Variants in RANBP2 observed in about 807,000 individuals in gnomAD.
RANBP2 encodes E3 SUMO-protein ligase RanBP2.
RANBP2 carries 57 observed loss-of-function variants against 303.6 expected under a neutral mutation model. That is an observed-to-expected ratio of 0.19 (90% CI 0.15 to 0.23). The LOEUF (loss-of-function observed/expected upper bound fraction) is 0.23. RANBP2 is among the 10% of genes least tolerant of loss of function. RANBP2 has a pLI of 1.00. For synonymous variants in RANBP2, 1,167 were observed against 1,301.5 expected (o/e 0.90, Z 2.23); for missense variants, 3,138 against 3,780.8 (o/e 0.83, Z 4.46).
At chr2:109,080,733 A>G in the RANBP2 span, among the ~76,000 whole-genome samples, 1 of 152,206 alleles carries the variant, frequency 6.6e-6, no homozygotes, top group Non-Finnish European at 1.5e-5. Context: ...GAAATGTCTA[A>G]TATTAAAAAA....
At chr2:109,162,409 T>G in the RANBP2 span, among the ~76,000 whole-genome samples, 2 of 152,156 alleles carry the variant, frequency 1.3e-5, no homozygotes, top group Admixed American at 6.5e-5. Context: ...ATTTATTTAT[T>G]TATTTTTAAT....
the RANBP2 span, among the ~76,000 whole-genome samples, chr2:109,692,295 G>T: frequency 6.6e-6 from 1 of 151,862 alleles, no homozygotes; most frequent in Non-Finnish European, 1.5e-5. Flanking sequence ...CAGGCTGGGG[G>T]CGGTGGGGAG....
chr2:109,140,870 G>C, the RANBP2 span, among the ~76,000 whole-genome samples: 1 of 152,096 alleles, frequency 6.6e-6, no homozygotes, highest in Admixed American at 6.5e-5. Flanking sequence ...TGGCCCCAGG[G>C]GTATCAGTTT....
the RANBP2 span, chr2:108,910,607 T>A: frequency 2.8e-6 from 4 of 1,437,308 alleles, no homozygotes; most frequent in Admixed American, 5.4e-5. Flanking sequence ...CCAACCCTGC[T>A]CTTCCTGTTG....
chr2:108,871,631 TA>T, the RANBP2 span, among the ~76,000 whole-genome samples: 2 of 152,146 alleles, frequency 1.3e-5, no homozygotes, highest in Non-Finnish European at 2.9e-5. Flanking sequence ...TTTATGTTGG[TA>T]AAATATTCAT....
chr2:109,583,397 T>G, the RANBP2 span, among the ~76,000 whole-genome samples: 1 of 152,138 alleles, frequency 6.6e-6, no homozygotes, highest in African/African-American at 2.4e-5. Context: ...ACGCTCAACA[T>G]AACTCATCAT....
the RANBP2 span, among the ~76,000 whole-genome samples, chr2:108,804,294 T>C: frequency 6.6e-6 from 1 of 152,302 alleles, no homozygotes; most frequent in Non-Finnish European, 1.5e-5. Flanking sequence ...CATTTAAATG[T>C]AATTAGAGGG....
the RANBP2 span, among the ~76,000 whole-genome samples, chr2:109,200,416 T>C: frequency 6.6e-6 from 1 of 152,180 alleles, no homozygotes; most frequent in Non-Finnish European, 1.5e-5. Flanking sequence ...TCCCTCCATC[T>C]CTGATGGCTT....
At chr2:109,028,541 T>A in the RANBP2 span, among the ~76,000 whole-genome samples, 1 of 152,094 alleles carries the variant, frequency 6.6e-6, no homozygotes. Flanking sequence ...AGGGTGACAG[T>A]CCTTGCATCA....
the RANBP2 span, among the ~76,000 whole-genome samples, chr2:108,915,241 G>A: frequency 6.6e-6 from 1 of 152,196 alleles, no homozygotes; most frequent in African/African-American, 2.4e-5. Context: ...GTTCTCAGGA[G>A]AAACGCACAC....
At chr2:109,506,649 C>T in the RANBP2 span, among the ~76,000 whole-genome samples, 1 of 152,226 alleles carries the variant, frequency 6.6e-6, no homozygotes, top group Non-Finnish European at 1.5e-5. Context: ...TGGTTCGTAT[C>T]ATCTCCATTT....
At chr2:109,729,198 G>A in the RANBP2 span, among the ~76,000 whole-genome samples, 67 of 152,274 alleles carry the variant, frequency 4.4e-4, no homozygotes, top group East Asian at 0.012. Flanking sequence ...ACCAGCAGAC[G>A]TTCCTTCACG....
At chr2:109,751,515 C>G in the RANBP2 span, among the ~76,000 whole-genome samples, 1 of 146,428 alleles carries the variant, frequency 6.8e-6, no homozygotes, top group Non-Finnish European at 1.5e-5. Context: ...GGAGATTGTA[C>G]AGGAGTGGAC....
chr2:109,307,644 A>G, the RANBP2 span, among the ~76,000 whole-genome samples: 20 of 138,308 alleles, frequency 1.4e-4, no homozygotes, highest in Admixed American at 3.7e-4. Context: ...TCATTGTTCA[A>G]TTCCCACCTA....
At chr2:109,030,808 G>C in the RANBP2 span, among the ~76,000 whole-genome samples, 21 of 152,096 alleles carry the variant, frequency 1.4e-4, no homozygotes, top group Admixed American at 2.6e-4. Flanking sequence ...GGCTGGTCTT[G>C]AACTCCTGGG....
At chr2:109,718,661 C>A in the RANBP2 span, among the ~76,000 whole-genome samples, 1 of 152,054 alleles carries the variant, frequency 6.6e-6, no homozygotes, top group African/African-American at 2.4e-5. Context: ...GTGACTGTTG[C>A]CACATCAACC....
At chr2:109,069,160 T>C in the RANBP2 span, among the ~76,000 whole-genome samples, 4 of 152,220 alleles carry the variant, frequency 2.6e-5, no homozygotes, top group Non-Finnish European at 5.9e-5. Context: ...TTGAGTAATG[T>C]ATCTCAGACA....
the RANBP2 span, among the ~76,000 whole-genome samples, chr2:109,451,639 GAC>G: frequency 6.6e-6 from 1 of 152,254 alleles, no homozygotes; most frequent in African/African-American, 2.4e-5. Context: ...CTGCCTGTTA[GAC>G]ACTTTGTAAA....
At chr2:109,003,696 C>A in the RANBP2 span, among the ~76,000 whole-genome samples, 1 of 152,162 alleles carries the variant, frequency 6.6e-6, no homozygotes. Context: ...CAGAAATGAG[C>A]CACTGCGCCC....
Sources: allele counts gnomAD v4.1 joint callset (sites outside exome capture counted in the v4.1 genomes callset), GRCh38; gene constraint gnomAD v4.1.1; transcripts MANE v1.5; gene names NCBI Gene and HGNC (gene_info 2026-07-23, HGNC 2026-07-21).